EMC2: variants seen among roughly 807,000 people sequenced by gnomAD.
EMC2 encodes the protein TPR repeat protein 35.
EMC2 carries 37 observed loss-of-function variants against 51.6 expected under a neutral mutation model. The ratio of observed to expected loss-of-function variants is 0.72; its 90% CI spans 0.55 to 0.94. EMC2 has a LOEUF of 0.94. EMC2 is among the 40% of genes least tolerant of loss of function. EMC2 has a pLI of 0.00. For missense variants in EMC2, 359 were observed against 350.9 expected, an observed-to-expected ratio of 1.02 and a Z score of -0.18; for synonymous variants, 131 against 112.4, an observed-to-expected ratio of 1.17 and a Z score of -1.04.
chr8:108,477,308 A>AT (rs1235746936), intron 9 of EMC2, among the ~76,000 whole-genome samples: 12 of 152,012 alleles, frequency 7.9e-5, no homozygotes, highest in African/African-American at 2.4e-4. Flanking sequence ...AAATTAAAAC[A>AT]TTTTTTATGG....
chr8:108,486,696 A>C lies in EMC2; in HGVS notation c.*98A>C. 1 of 1,210,090 alleles carries C rather than the reference A, an allele frequency of 8.3e-7. No individual in the cohort carries two copies. The allele number at this position is 1,210,090 out of a possible 1,614,324, so 75.0% of individuals were successfully genotyped here. A position where few individuals can be genotyped will look rare whatever the true frequency, so the allele number is the denominator to read the frequency against. On this transcript the variant is annotated 3_prime_UTR_variant, in exon 11 of 11. Transcript: ENST00000220853. ...AAATGCTCAGTGCTATTTATATACT[A>C]CAGTAATTTTCTGTTAAGAAGGCAG...
At chr8:108,453,398 G>A (rs1819077466) in intron 4 of EMC2, among the ~76,000 whole-genome samples, 1 of 151,936 alleles carries the variant, frequency 6.6e-6, no homozygotes, top group African/African-American at 2.4e-5. Flanking sequence ...CTTTTTTACT[G>A]CTGATTTGTA....
intron 10 of EMC2, among the ~76,000 whole-genome samples, chr8:108,479,511 AAC>A (rs1478525770): frequency 2.0e-5 from 3 of 152,156 alleles, no homozygotes; most frequent in Non-Finnish European, 2.9e-5. Context: ...CAAACTGCAT[AAC>A]AAAGTTTGTG....
rs1218298811 is a variant in EMC2 at position 108,487,527 on chromosome 8, CA to C, written c.*933del. Among the ~76,000 whole-genome samples the C allele has an allele frequency of 1.3e-5, 2 of 151,774 alleles. No homozygotes were observed. The highest frequency in any genetic ancestry group is 6.6e-5 in the Admixed American group (1 of 15,228). ...TTCAACAGTATTTGACATGTTTCAA[CA>C]AAATAGAAGAGACTTGAAAGTTAAA... On this transcript the variant is annotated 3_prime_UTR_variant, in exon 11 of 11. Transcript: ENST00000220853.
intron 9 of EMC2, 42 bp from the exon 10 acceptor site, chr8:108,478,964 C>A: frequency 8.2e-7 from 1 of 1,218,716 alleles, no homozygotes; most frequent in Non-Finnish European, 1.1e-6. Flanking sequence ...TCTTGACTAG[C>A]AAAAAAGGAA....
intron 1 of EMC2, among the ~76,000 whole-genome samples, chr8:108,445,300 G>A (rs1586171866): frequency 6.6e-6 from 1 of 152,300 alleles, no homozygotes; most frequent in East Asian, 1.9e-4. Flanking sequence ...ATATGATTAT[G>A]TCCTTCCTCT....
chr8:108,461,099 T>C (rs1819308221), intron 5 of EMC2, among the ~76,000 whole-genome samples: 1 of 152,216 alleles, frequency 6.6e-6, no homozygotes, highest in Admixed American at 6.5e-5. Flanking sequence ...ACAGAAGACA[T>C]CGCCGTTTCT....
chr8:108,452,923 T>A (rs927359331), intron 3 of EMC2, 139 bp from the exon 4 acceptor site: 3 of 465,778 alleles, frequency 6.4e-6, no homozygotes, highest in African/African-American at 6.1e-5. Context: ...CATTATTTGT[T>A]ACTGATTAAT....
intron 5 of EMC2, among the ~76,000 whole-genome samples, chr8:108,459,146 A>C (rs913460408): frequency 6.6e-6 from 1 of 152,156 alleles, no homozygotes; most frequent in Admixed American, 6.5e-5. Flanking sequence ...CCTGAATTTC[A>C]TTGTCCGTAT....
chr8:108,461,492 G>T (rs1186224092), intron 5 of EMC2, among the ~76,000 whole-genome samples: 1 of 152,104 alleles, frequency 6.6e-6, no homozygotes, highest in Non-Finnish European at 1.5e-5. Flanking sequence ...TTTGAGTCTG[G>T]AAGGCCTTAA....
chr8:108,466,390 C>T (rs1819465430), intron 5 of EMC2, among the ~76,000 whole-genome samples: 1 of 145,678 alleles, frequency 6.9e-6, no homozygotes, highest in South Asian at 2.2e-4. Flanking sequence ...TTTTAAAAAT[C>T]TAAGTATAAT....
At chr8:108,468,140 T>C (rs1810765898) in intron 5 of EMC2, among the ~76,000 whole-genome samples, 1 of 152,188 alleles carries the variant, frequency 6.6e-6, no homozygotes, top group South Asian at 2.1e-4. Context: ...TTTGGTGAAA[T>C]CAGATATTAA....
At chr8:108,455,698 G>A (rs999691074) in intron 4 of EMC2, among the ~76,000 whole-genome samples, 175 bp from the exon 5 acceptor site, 2 of 151,996 alleles carry the variant, frequency 1.3e-5, no homozygotes, top group South Asian at 2.1e-4. Context: ...TGTAGTAAAC[G>A]TTTACTGTTA....
At chr8:108,472,119 TTCA>T (rs1265548747) in intron 7 of EMC2, among the ~76,000 whole-genome samples, 1 of 152,030 alleles carries the variant, frequency 6.6e-6, no homozygotes, top group African/African-American at 2.4e-5. Context: ...GAAAATCAGA[TTCA>T]TCAATTTTTA....
chr8:108,449,621 A>G (rs1818967362), intron 1 of EMC2, among the ~76,000 whole-genome samples: 1 of 152,174 alleles, frequency 6.6e-6, no homozygotes. Context: ...ATGCTGTTTC[A>G]GTCTTCTAAA....
intron 5 of EMC2, among the ~76,000 whole-genome samples, chr8:108,459,677 T>G (rs1314664762): frequency 6.9e-6 from 1 of 145,746 alleles, no homozygotes; most frequent in East Asian, 2.0e-4. Flanking sequence ...AAGATGAGAT[T>G]TGGGTGGGGA....
chr8:108,479,622 C>T (rs532449309), intron 10 of EMC2, among the ~76,000 whole-genome samples: 8 of 151,968 alleles, frequency 5.3e-5, no homozygotes, highest in Admixed American at 5.3e-4. Flanking sequence ...AATTATTTTT[C>T]GTTAGAAATT....
At position 108,489,078 on chromosome 8, in the gene EMC2, G is replaced by A. The variant is rs1811194019; in HGVS notation, c.*2480G>A. On this transcript the variant is annotated 3_prime_UTR_variant, in exon 11 of 11. Transcript: ENST00000220853. ...CATTTCAGAGATAGAACTGAAGGAG[G>A]ATTAAGGGGATCCTGGGTCCCTGAT... Among the ~76,000 whole-genome samples the A allele has an allele frequency of 6.6e-6, 1 of 152,162 alleles. No individual in the cohort carries two copies. Among genetic ancestry groups the A allele is most frequent in the Non-Finnish European group, 1.5e-5 (1 of 68,020 alleles).
chr8:108,455,910 C>A lies in EMC2; in HGVS notation c.343C>A (p.Gln115Lys). 7.3e-7 allele frequency: 1 copy of A among 1,371,798 alleles called. No homozygotes were observed. The highest frequency in any genetic ancestry group is 9.9e-7 in the Non-Finnish European group (1 of 1,009,816). The allele number at this position is 1,371,798 out of a possible 1,614,324, so 85.0% of individuals were successfully genotyped here. A position where few individuals can be genotyped will look rare whatever the true frequency, so the allele number is the denominator to read the frequency against. Residue 115 changes from glutamine (Q) to lysine (K), a missense_variant, in exon 5 of 11, where the codon CAA becomes AAA. Gln to Lys is a moderately conservative substitution (Grantham distance 53). Transcript: ENST00000220853. ...DAIQLYDRIL[Q>K]EDPTNTAARK... ...TATACAGCTATATGATAGGATTTTACAAGAAGATCCAACTAACACTGTAAG... is the reference window on the plus strand; with the variant it reads ...TATACAGCTATATGATAGGATTTTAAAAGAAGATCCAACTAACACTGTAAG...
Sources: gnomAD v4.1 joint callset for allele counts (sites outside exome capture counted in the v4.1 genomes callset) on GRCh38, gnomAD v4.1.1 for gene constraint, MANE v1.5 for transcripts, NCBI Gene and HGNC (gene_info 2026-07-23, HGNC 2026-07-21) for gene names.